Variants in CNBD2 observed in about 807,000 individuals in gnomAD.
The protein encoded by CNBD2 is cyclic nucleotide binding domain containing 2.
CNBD2 carries 64 observed loss-of-function variants against 63.7 expected under a neutral mutation model. The ratio of observed to expected loss-of-function variants is 1.00; its 90% confidence interval spans 0.82 to 1.24. CNBD2 has a LOEUF of 1.24. Ranked by LOEUF, CNBD2 falls within the 50% of genes most tolerant of loss-of-function variation. CNBD2 has a pLI of 0.00. For synonymous variants in CNBD2, 229 were observed against 255.4 expected, an observed-to-expected ratio of 0.90 and a Z score of 0.99; for missense variants, 691 against 713.5, an observed-to-expected ratio of 0.97 and a Z score of 0.36.
downstream of CNBD2, among the ~76,000 whole-genome samples, chr20:35,955,531 A>T (rs2056247300): frequency 6.6e-6 from 1 of 152,236 alleles, no homozygotes; most frequent in South Asian, 2.1e-4. Context: ...TAGGAGGATT[A>T]AATAAATTAA....
At chr20:35,997,656 A>G (rs1171333801) in intron 8 of CNBD2, among the ~76,000 whole-genome samples, 1 of 152,252 alleles carries the variant, frequency 6.6e-6, no homozygotes, top group Non-Finnish European at 1.5e-5. Context: ...TTGTAATGAC[A>G]TTAAGCAAAT....
chr20:35,995,942 G>A (rs1423023273), intron 8 of CNBD2, among the ~76,000 whole-genome samples: 1 of 152,212 alleles, frequency 6.6e-6, no homozygotes, highest in Non-Finnish European at 1.5e-5. Flanking sequence ...TGCATCTGGT[G>A]AAGGACTTCT....
Position 35,980,780 on chromosome 20 carries a change from G to A in CNBD2, c.407+158G>A, listed in dbSNP as rs532745758. On this transcript the variant is annotated intron_variant, in intron 4 of 11. Coordinates refer to ENST00000373973, the MANE Select transcript of CNBD2 (RefSeq NM_001365709.1). ...CACTTCAGCTCCCACTGCTATGGTC[G>A]CAGCACCCTTTATCTCGCTCACTTA... is the stretch of plus-strand genomic sequence containing the variant. Among the ~76,000 whole-genome samples, 4 of 152,272 alleles carry A rather than the reference G, an allele frequency of 2.6e-5. No homozygotes were observed. In the South Asian group the frequency reaches 6.2e-4, roughly 24 times the overall value.
At position 35,976,015 on chromosome 20, in the gene CNBD2, C is replaced by T. The variant is rs548471207; in HGVS notation, c.243+13C>T. The T allele has an allele frequency of 1.2e-5, 19 of 1,600,696 alleles. No individual in the cohort carries two copies. Among genetic ancestry groups the T allele is most frequent in the Non-Finnish European group, 1.5e-5 (17 of 1,169,378 alleles). On this transcript the variant is annotated intron_variant, in intron 3 of 11. Coordinates refer to ENST00000373973, the MANE Select transcript of CNBD2 (RefSeq NM_001365709.1). ...CATTGCAGAGGAGGTATGCATAGCT[C>T]GAAACTTGCTGTGGGGGAATTTTCT...
chr20:36,021,549 C>A (rs2057207862), intron 10 of CNBD2, among the ~76,000 whole-genome samples: 1 of 152,176 alleles, frequency 6.6e-6, no homozygotes, highest in Non-Finnish European at 1.5e-5. Flanking sequence ...TAGTCCCAAC[C>A]CCATGTGTCC....
At chr20:36,028,371 A>G (rs765159885) in intron 11 of CNBD2, among the ~76,000 whole-genome samples, 3 of 152,120 alleles carry the variant, frequency 2.0e-5, no homozygotes, top group African/African-American at 7.2e-5. Context: ...ATGCCTTTCT[A>G]GACTGCTAAA....
At chr20:35,980,170 G>T (rs6058387) in intron 3 of CNBD2, among the ~76,000 whole-genome samples, 32,893 of 152,068 alleles carry the variant, frequency 0.22, 3,781 homozygotes, top group South Asian at 0.41. Context: ...GAAGGTCAAT[G>T]AACAACACAG....
At chr20:36,014,923 C>T (rs1172936427) in intron 10 of CNBD2, among the ~76,000 whole-genome samples, 3 of 152,148 alleles carry the variant, frequency 2.0e-5, no homozygotes, top group Non-Finnish European at 2.9e-5. Context: ...CGTGAACCAT[C>T]GTGCCTGGCC....
In CNBD2 at chr20:36,002,388, A is replaced by G. The variant is rs868689688; in HGVS notation, c.971-5909A>G. Among the ~76,000 whole-genome samples the G allele has an allele frequency of 3.9e-5, 6 of 152,302 alleles. No homozygotes were observed. In the South Asian group the frequency reaches 1.0e-3, roughly 26 times the overall value. ...GCTGGGCAGCAGAGGGAAACCGTGGAAAGAGGGAGAGGGAGAGGGAGACCG... is the reference window on the plus strand; with the variant it reads ...GCTGGGCAGCAGAGGGAAACCGTGGGAAGAGGGAGAGGGAGAGGGAGACCG... On this transcript the variant is annotated intron_variant, in intron 8 of 11. Coordinates refer to ENST00000373973, the MANE Select transcript of CNBD2 (RefSeq NM_001365709.1).
chr20:36,027,211 C>T (rs908418713), intron 11 of CNBD2, among the ~76,000 whole-genome samples: 21 of 152,114 alleles, frequency 1.4e-4, no homozygotes, highest in African/African-American at 3.9e-4. Context: ...TCTTTACTTG[C>T]GGTGATATTG....
intron 7 of CNBD2, among the ~76,000 whole-genome samples, chr20:35,987,761 C>T (rs562360150): frequency 8.5e-5 from 13 of 152,310 alleles, no homozygotes; most frequent in African/African-American, 2.4e-4. Flanking sequence ...GGGATTCTCC[C>T]GCCTTGAGCT....
At chr20:36,020,590 G>C (rs2057194374) in intron 10 of CNBD2, among the ~76,000 whole-genome samples, 1 of 152,156 alleles carries the variant, frequency 6.6e-6, no homozygotes, top group South Asian at 2.1e-4. Flanking sequence ...TAAGATGATT[G>C]ACCGTGGATA....
At chr20:35,986,329 T>G (rs2056666489) in intron 6 of CNBD2, among the ~76,000 whole-genome samples, 1 of 151,788 alleles carries the variant, frequency 6.6e-6, no homozygotes, top group Non-Finnish European at 1.5e-5. Flanking sequence ...AGGGAGGAGC[T>G]GTTTTTTTTT....
rs1180478218 is a variant in CNBD2 at position 35,984,154 on chromosome 20, G to T, written c.564+16G>T. 1 of 1,581,700 alleles carries T rather than the reference G, an allele frequency of 6.3e-7. No individual in the cohort carries two copies. Reference sequence around the variant, plus strand: ...CTGTTTTGGGGTAAGCCCAGGGGAAGGACCCAGTTTCCTGGGGTGGAGTGG... The same window carrying T: ...CTGTTTTGGGGTAAGCCCAGGGGAATGACCCAGTTTCCTGGGGTGGAGTGG... On this transcript the variant is annotated intron_variant, in intron 5 of 11. Transcript: ENST00000373973.
chr20:36,012,715 G>C (rs1282391595), intron 10 of CNBD2, among the ~76,000 whole-genome samples: 1 of 151,608 alleles, frequency 6.6e-6, no homozygotes, highest in East Asian at 1.9e-4. Flanking sequence ...CCAGCTACTC[G>C]GGAGGCTGTG....
In CNBD2 at chr20:35,980,589, A is replaced by C. The variant is rs760152903; in HGVS notation, c.374A>C (p.Gln125Pro). 49 of 1,613,718 alleles carry C rather than the reference A, an allele frequency of 3.0e-5. No homozygotes were observed. The Admixed American group carries it at 8.0e-4, about 26-fold the overall frequency. The change falls in exon 4 of 12, where the codon CAG (glutamine) becomes CCG (proline). Residue 125 changes from glutamine (Q) to proline (P), a missense_variant. Physicochemically the swap from Gln to Pro is moderately conservative, Grantham distance 76 (BLOSUM62 -1). Coordinates refer to ENST00000373973, the MANE Select transcript of CNBD2 (RefSeq NM_001365709.1). ...TATCGGAACTACGCAGAGCCCCTGC[A>C]GCTGCTCCTGGCCAAAGTCATGCGC... ...DSYRNYAEPL[Q>P]LLLAKVMRFE...
chr20:35,996,675 T>C (rs1427204390), intron 8 of CNBD2, among the ~76,000 whole-genome samples: 13 of 151,914 alleles, frequency 8.6e-5, no homozygotes, highest in African/African-American at 2.7e-4. Flanking sequence ...GCCCGGCCAA[T>C]TTTTGTTTTT....
intron 7 of CNBD2, 33 bp downstream of exon 7, chr20:35,987,566 C>T: frequency 1.2e-6 from 2 of 1,612,316 alleles, no homozygotes; most frequent in Non-Finnish European, 1.7e-6. Flanking sequence ...TGAGGGTGAA[C>T]CTCTGAGGAG....
In CNBD2 at chr20:35,984,789, C is replaced by T. The variant is rs765366773; in HGVS notation, c.716+11C>T. 2.5e-6 allele frequency: 4 copies of T among 1,613,732 alleles called. No homozygotes were observed. Among genetic ancestry groups the T allele is most frequent in the African/African-American group, 1.3e-5 (1 of 74,996 alleles). On this transcript the variant is annotated intron_variant, in intron 6 of 11. Transcript: ENST00000373973. The stretch of plus-strand genomic sequence containing the variant: ...GTTTGAATTTTTTAGGTAACTCTGC[C>T]TTCATTCAACATTTTTTTCCCCTTG...
Sources: gnomAD v4.1 joint callset for allele counts (sites outside exome capture counted in the v4.1 genomes callset) on GRCh38, gnomAD v4.1.1 for gene constraint, MANE v1.5 for transcripts, NCBI Gene and HGNC (gene_info 2026-07-23, HGNC 2026-07-21) for gene names.